Variants in PDE4D observed in about 807,000 individuals in gnomAD.
The protein encoded by PDE4D is 3',5'-cyclic-AMP phosphodiesterase 4D.
PDE4D carries 24 observed loss-of-function variants against 87.4 expected under a neutral mutation model. That is an observed-to-expected ratio of 0.27 (90% CI 0.20 to 0.39). The LOEUF is 0.39. Ranked by LOEUF, PDE4D falls within the 10% of genes least tolerant of loss-of-function variation. The probability of loss-of-function intolerance (pLI) is 1.00; values close to 1 mark genes in which losing one functional copy is unlikely to be tolerated. For missense variants in PDE4D, 714 were observed against 1,041.0 expected (o/e 0.69, Z 4.32); for synonymous variants, 384 against 383.2 (o/e 1.00, Z -0.02).
chr5:59,769,070 TTCTC>T (rs761458699), intron 1 of PDE4D, among the ~76,000 whole-genome samples: 3 of 143,482 alleles, frequency 2.1e-5, no homozygotes, highest in Admixed American at 7.0e-5. Flanking sequence ...CTTTGTTTTT[TTCTC>T]TCTTTTTTTT....
At chr5:60,303,889 G>A (rs1315449748) in intron 1 of PDE4D, among the ~76,000 whole-genome samples, 2 of 152,176 alleles carry the variant, frequency 1.3e-5, no homozygotes, top group African/African-American at 4.8e-5. Flanking sequence ...TATTGTCAGT[G>A]AGGTGTTAAA....
intron 2 of PDE4D, among the ~76,000 whole-genome samples, chr5:60,049,684 C>G (rs1012275500): frequency 4.6e-5 from 7 of 152,214 alleles, no homozygotes; most frequent in African/African-American, 1.7e-4. Context: ...GCTCAGGGGT[C>G]AGGGGTCAGG....
chr5:59,716,193 C>T (rs1052066724), intron 1 of PDE4D, among the ~76,000 whole-genome samples: 1 of 152,322 alleles, frequency 6.6e-6, no homozygotes, highest in Admixed American at 6.5e-5. Context: ...TATGTAACCA[C>T]GCCACGTGAG....
chr5:59,315,701 G>T (rs568480021), intron 1 of PDE4D, among the ~76,000 whole-genome samples: 1 of 152,168 alleles, frequency 6.6e-6, no homozygotes, highest in African/African-American at 2.4e-5. Flanking sequence ...GGCATGCACA[G>T]TAAGGGGCAA....
intron 1 of PDE4D, among the ~76,000 whole-genome samples, chr5:59,269,189 A>G (rs1252660783): frequency 6.6e-6 from 1 of 152,026 alleles, no homozygotes; most frequent in Non-Finnish European, 1.5e-5. Flanking sequence ...AGGGTGGAGA[A>G]CCCCATTTTG....
intron 1 of PDE4D, among the ~76,000 whole-genome samples, chr5:59,831,095 G>A (rs1365584695): frequency 6.6e-6 from 1 of 151,984 alleles, no homozygotes; most frequent in Non-Finnish European, 1.5e-5. Context: ...GAAATGGAAT[G>A]AGAAAGGGTC....
intron 2 of PDE4D, among the ~76,000 whole-genome samples, chr5:59,989,231 C>T (rs1582066870): frequency 6.6e-6 from 1 of 150,954 alleles, no homozygotes; most frequent in Non-Finnish European, 1.5e-5. Flanking sequence ...CTAGATGGTA[C>T]ATTGTTACTG....
chr5:59,799,508 G>A (rs945781930), intron 1 of PDE4D, among the ~76,000 whole-genome samples: 2 of 152,206 alleles, frequency 1.3e-5, no homozygotes, highest in Non-Finnish European at 2.9e-5. Flanking sequence ...AAGTGAATTA[G>A]TAAAGGAGAT....
intron 1 of PDE4D, among the ~76,000 whole-genome samples, chr5:59,289,539 A>C (rs548725804): frequency 1.3e-5 from 2 of 152,128 alleles, no homozygotes; most frequent in East Asian, 3.9e-4. Context: ...GAAATACCTC[A>C]ACACAATAAA....
chr5:59,680,055 T>C (rs542515323), intron 1 of PDE4D, among the ~76,000 whole-genome samples: 2 of 152,294 alleles, frequency 1.3e-5, no homozygotes, highest in African/African-American at 2.4e-5. Context: ...TACATAGGCA[T>C]TTTATCCATT....
At chr5:59,256,651 T>C (rs969967427) in intron 1 of PDE4D, among the ~76,000 whole-genome samples, 2 of 152,020 alleles carry the variant, frequency 1.3e-5, no homozygotes, top group Non-Finnish European at 2.9e-5. Context: ...CGTAGGGCTA[T>C]GTTTGGATGC....
At chr5:59,385,761 C>T (rs1431447254) in intron 1 of PDE4D, among the ~76,000 whole-genome samples, 1 of 152,158 alleles carries the variant, frequency 6.6e-6, no homozygotes. Context: ...CCAGAAGAGG[C>T]CTCCATTGAG....
chr5:59,696,666 T>C (rs1301295789), intron 1 of PDE4D, among the ~76,000 whole-genome samples: 1 of 152,274 alleles, frequency 6.6e-6, no homozygotes, highest in South Asian at 2.1e-4. Flanking sequence ...GAGAATACAA[T>C]AGAGCAAAAA....
intron 1 of PDE4D, among the ~76,000 whole-genome samples, chr5:60,299,116 T>C (rs1387280534): frequency 1.3e-5 from 2 of 152,158 alleles, no homozygotes; most frequent in African/African-American, 2.4e-5. Flanking sequence ...AAAGTAAAAT[T>C]AGGTTTTTTT....
chr5:60,362,834 C>G (rs1222643124), intron 1 of PDE4D, among the ~76,000 whole-genome samples: 1 of 151,456 alleles, frequency 6.6e-6, no homozygotes, highest in Non-Finnish European at 1.5e-5. Context: ...ACTCCAGCCC[C>G]CTGGGTGAAG....
intron 6 of PDE4D, among the ~76,000 whole-genome samples, chr5:59,007,955 T>A (rs1392572234): frequency 6.6e-6 from 1 of 152,130 alleles, no homozygotes; most frequent in Non-Finnish European, 1.5e-5. Flanking sequence ...ATCTGATAGC[T>A]GTATTTATAT....
At position 58,989,600 on chromosome 5, in the gene PDE4D, T is replaced by C. The variant is rs1371659141; in HGVS notation, c.1452+155A>G. Reference sequence around the variant, plus strand: ...TAAGCAAAATCCATCAAAGACTTGATTGTCTATTAACTATAGCATTTTCCC... The same window carrying C: ...TAAGCAAAATCCATCAAAGACTTGACTGTCTATTAACTATAGCATTTTCCC... On this transcript the variant is annotated intron_variant, in intron 10 of 14. Coordinates refer to ENST00000340635, the MANE Select transcript of PDE4D (RefSeq NM_001104631.2). Among the ~76,000 whole-genome samples, 8 of 130,960 alleles carry C rather than the reference T, an allele frequency of 6.1e-5. No individual in the cohort carries two copies. In the South Asian group the frequency reaches 1.6e-3, roughly 26 times the overall value. 85.9% of individuals were successfully genotyped at this position (130,960 alleles called of 152,430 possible).
At chr5:59,240,035 A>C (rs1399429974) in intron 1 of PDE4D, among the ~76,000 whole-genome samples, 1 of 152,100 alleles carries the variant, frequency 6.6e-6, no homozygotes, top group Non-Finnish European at 1.5e-5. Flanking sequence ...TCTTAATTTT[A>C]CTCATTGCAT....
At chr5:59,405,096 T>TC (rs1791387789) in intron 1 of PDE4D, among the ~76,000 whole-genome samples, 1 of 18,048 alleles carries the variant, frequency 5.5e-5, no homozygotes, top group African/African-American at 5.9e-4. Context: ...AATTTTAAGA[T>TC]ATTTTTCTAT....
Sources: gnomAD v4.1 joint callset for allele counts (sites outside exome capture counted in the v4.1 genomes callset) on GRCh38, gnomAD v4.1.1 for gene constraint, MANE v1.5 for transcripts, NCBI Gene and HGNC (gene_info 2026-07-23, HGNC 2026-07-21) for gene names.